ADORA2B: variants seen among roughly 807,000 people sequenced by gnomAD.
ADORA2B encodes adenosine receptor A2b.
In ADORA2B, 18 loss-of-function variants were observed where a neutral mutation model predicts 20.8. That is an observed-to-expected ratio of 0.87 (90% CI 0.60 to 1.29). The LOEUF (loss-of-function observed/expected upper bound fraction) is 1.29. Among genes scored for constraint, ADORA2B ranks in the 50% most tolerant of loss-of-function variants. The pLI, the probability that ADORA2B is intolerant of heterozygous loss-of-function variation, is 0.00. For missense variants in ADORA2B, 441 were observed against 422.7 expected (o/e 1.04, Z -0.38); for synonymous variants, 179 against 178.3 (o/e 1.00, Z -0.03).
the ADORA2B span, among the ~76,000 whole-genome samples, chr17:15,930,509 T>G: frequency 6.6e-6 from 1 of 152,190 alleles, no homozygotes; most frequent in African/African-American, 2.4e-5. Context: ...TTGGCCAAGC[T>G]GGTCTTGAAC....
chr17:15,869,499 C>T, the ADORA2B span, among the ~76,000 whole-genome samples: 7 of 151,828 alleles, frequency 4.6e-5, no homozygotes, highest in Non-Finnish European at 1.0e-4. Flanking sequence ...ATATTATGAC[C>T]TATAATTTGG....
At chr17:15,927,827 C>A in the ADORA2B span, among the ~76,000 whole-genome samples, 1 of 152,226 alleles carries the variant, frequency 6.6e-6, no homozygotes, top group Non-Finnish European at 1.5e-5. Context: ...GGAGAAGACT[C>A]GGATCAAGAG....
chr17:15,973,638 C>T (rs376455761), intron 1 of ADORA2B, among the ~76,000 whole-genome samples: 81 of 152,314 alleles, frequency 5.3e-4, no homozygotes, highest in African/African-American at 1.8e-3. Flanking sequence ...AGGGGATCTA[C>T]GCTGTGCGCT....
chr17:15,922,146 G>T, the ADORA2B span, among the ~76,000 whole-genome samples: 1 of 152,124 alleles, frequency 6.6e-6, no homozygotes, highest in Non-Finnish European at 1.5e-5. Context: ...GTGAAAGACC[G>T]TGCCACTCAG....
At chr17:15,883,059 A>G in the ADORA2B span, among the ~76,000 whole-genome samples, 1 of 152,192 alleles carries the variant, frequency 6.6e-6, no homozygotes, top group Non-Finnish European at 1.5e-5. Context: ...AATATCGTCC[A>G]TTTGGGAAAG....
At chr17:15,971,950 G>A (rs1203397984) in intron 1 of ADORA2B, among the ~76,000 whole-genome samples, 1 of 152,102 alleles carries the variant, frequency 6.6e-6, no homozygotes, top group Non-Finnish European at 1.5e-5. Context: ...GCCATATTAA[G>A]AACATACTAT....
chr17:15,926,602 A>G, the ADORA2B span, among the ~76,000 whole-genome samples: 137 of 152,242 alleles, frequency 9.0e-4, no homozygotes, highest in Non-Finnish European at 1.3e-3. Flanking sequence ...GAGCAGCAGA[A>G]TGGGCAAGGC....
At chr17:15,910,775 A>G in the ADORA2B span, among the ~76,000 whole-genome samples, 1 of 152,178 alleles carries the variant, frequency 6.6e-6, no homozygotes, top group Non-Finnish European at 1.5e-5. Context: ...ATACCTGGAA[A>G]GGGCAGGAGC....
the ADORA2B span, among the ~76,000 whole-genome samples, chr17:15,902,774 G>T: frequency 8.4e-6 from 1 of 119,546 alleles, no homozygotes; most frequent in Non-Finnish European, 1.9e-5. Flanking sequence ...AAGGCTACTC[G>T]GCTTCTGGAT....
intron 1 of ADORA2B, chr17:15,973,770 A>G (rs545567760): frequency 2.4e-4 from 36 of 152,362 alleles, no homozygotes; most frequent in African/African-American, 6.3e-4. Context: ...GCCTTACAGA[A>G]GACCTAGACT....
chr17:15,931,978 C>T, the ADORA2B span, among the ~76,000 whole-genome samples: 3 of 151,938 alleles, frequency 2.0e-5, no homozygotes, highest in Non-Finnish European at 2.9e-5. Flanking sequence ...GTGATCCGCC[C>T]GCCTCAGCCT....
At chr17:15,964,869 G>C (rs551703427) in intron 1 of ADORA2B, among the ~76,000 whole-genome samples, 1 of 152,144 alleles carries the variant, frequency 6.6e-6, no homozygotes, top group South Asian at 2.1e-4. Context: ...AGACCATCCT[G>C]GCTAACACGG....
chr17:15,864,041 T>G, the ADORA2B span: 1 of 209,602 alleles, frequency 4.8e-6, no homozygotes. Flanking sequence ...TAACGTGCTC[T>G]TCTCTCTAAC....
At chr17:15,930,279 G>A in the ADORA2B span, among the ~76,000 whole-genome samples, 10,099 of 148,506 alleles carry the variant, frequency 0.068, 1,206 homozygotes, top group African/African-American at 0.24. Flanking sequence ...ATTGGTTTAT[G>A]TGTCTCCTTT....
the ADORA2B span, among the ~76,000 whole-genome samples, chr17:15,879,246 T>C: frequency 6.6e-6 from 1 of 151,856 alleles, no homozygotes; most frequent in South Asian, 2.1e-4. Flanking sequence ...AGGCCAGGAG[T>C]TTGAGACCAA....
chr17:15,916,385 G>C, the ADORA2B span, among the ~76,000 whole-genome samples: 1 of 152,316 alleles, frequency 6.6e-6, no homozygotes, highest in African/African-American at 2.4e-5. Context: ...AAAGAAGGAA[G>C]GGCTTTATTC....
At chr17:15,854,832 G>A in the ADORA2B span, among the ~76,000 whole-genome samples, 1 of 151,816 alleles carries the variant, frequency 6.6e-6, no homozygotes, top group African/African-American at 2.4e-5. Flanking sequence ...ACAGAGAATC[G>A]ATCAAATAAA....
At chr17:15,880,612 G>A in the ADORA2B span, among the ~76,000 whole-genome samples, 1 of 147,776 alleles carries the variant, frequency 6.8e-6, no homozygotes, top group Non-Finnish European at 1.5e-5. Flanking sequence ...AGTTGGGGTC[G>A]GACAGCAGCC....
chr17:15,965,341 G>A (rs1040813718), intron 1 of ADORA2B, among the ~76,000 whole-genome samples: 10 of 152,160 alleles, frequency 6.6e-5, no homozygotes, highest in Non-Finnish European at 1.2e-4. Context: ...TTGCTTGCCA[G>A]GCAGTGTTAG....
Sources: allele counts gnomAD v4.1 joint callset (sites outside exome capture counted in the v4.1 genomes callset), GRCh38; gene constraint gnomAD v4.1.1; transcripts MANE v1.5; gene names NCBI Gene and HGNC (gene_info 2026-07-23, HGNC 2026-07-21).